Variants in LIMCH1 observed in about 807,000 individuals in gnomAD.
LIMCH1 encodes the protein LIM and calponin homology domains 1.
Under a neutral mutation model 176.5 loss-of-function variants are expected in LIMCH1, and 113 were observed. That is an observed-to-expected ratio of 0.64 (90% CI 0.55 to 0.75). The LOEUF (loss-of-function observed/expected upper bound fraction) is 0.75, where lower values mean the gene tolerates loss of function less well. Ranked by LOEUF, LIMCH1 falls within the 30% of genes least tolerant of loss-of-function variation. The pLI, the probability that LIMCH1 is intolerant of heterozygous loss-of-function variation, is 0.00. For missense variants in LIMCH1, 1,674 were observed against 1,814.9 expected, an observed-to-expected ratio of 0.92 and a Z score of 1.41; for synonymous variants, 619 against 645.9, an observed-to-expected ratio of 0.96 and a Z score of 0.63.
intron 1 of LIMCH1, among the ~76,000 whole-genome samples, chr4:41,456,609 T>C (rs1379853907): frequency 6.6e-6 from 1 of 151,940 alleles, no homozygotes; most frequent in African/African-American, 2.4e-5. Context: ...TAACAAACCA[T>C]CTGCTCTAGT....
chr4:41,537,258 T>C (rs569679051), upstream of LIMCH1, among the ~76,000 whole-genome samples: 16 of 152,344 alleles, frequency 1.1e-4, no homozygotes, highest in African/African-American at 3.4e-4. Flanking sequence ...ACATTGTGTT[T>C]TATAGCATTT....
rs1217616117 is a variant in LIMCH1, at chr4:41,627,016, CATG to C, written c.1028+7_1028+9del. The C allele has an allele frequency of 7.3e-7, 1 of 1,367,060 alleles. No individual in the cohort carries two copies. Among genetic ancestry groups the C allele is most frequent in the African/African-American group, 1.7e-5 (1 of 57,294 alleles). The allele number at this position is 1,367,060 out of a possible 1,614,324, so 84.7% of individuals were successfully genotyped here. On this transcript the variant is annotated splice_region_variant and intron_variant, in intron 8 of 31. Transcript: ENST00000503057. ...AGAAGTCTAGAATATAAAAGGTGTG[CATG>C]GTGTGTGTGTGTGTGTGTGTGTGTG...
intron 21 of LIMCH1, chr4:41,670,650 T>G: frequency 8.6e-7 from 1 of 1,157,956 alleles, no homozygotes; most frequent in Non-Finnish European, 1.2e-6. Flanking sequence ...CTTGGGAGCA[T>G]GGTTCTATTC....
chr4:41,605,202 C>A (rs1298827808), intron 3 of LIMCH1, among the ~76,000 whole-genome samples: 1 of 152,148 alleles, frequency 6.6e-6, no homozygotes, highest in Non-Finnish European at 1.5e-5. Flanking sequence ...ATTGAATACT[C>A]ATAGACATTC....
At chr4:41,638,044 A>G (rs2152899156) in intron 13 of LIMCH1, among the ~76,000 whole-genome samples, 1 of 152,306 alleles carries the variant, frequency 6.6e-6, no homozygotes, top group East Asian at 1.9e-4. Context: ...ATAGGTAAGA[A>G]CTGACCCTTA....
At chr4:41,495,152 T>C (rs1000963798) in intron 2 of LIMCH1, among the ~76,000 whole-genome samples, 11 of 152,232 alleles carry the variant, frequency 7.2e-5, no homozygotes, top group African/African-American at 2.4e-4. Flanking sequence ...AGGGCTCCTG[T>C]GAAGTAGCTC....
chr4:41,613,479 T>C lies in LIMCH1; in HGVS notation c.23T>C (p.Ile8Thr), dbSNP rs576282055. Residue 8 changes from isoleucine to threonine, a missense_variant, in exon 5 of 32, where the codon ATT becomes ACT. Around this residue, in one of 3 missense-constraint regions of LIMCH1, gnomAD observed 655 missense variants for 692.2 expected, o/e 0.95. Transcript: ENST00000503057. ...CTTTTTTGACAGGACACTGATGACA[T>C]TGAAAGTCCTAAACGCAGTATCCGA... MRKDTDDIESPKRSIRDS... is the reference protein window; with the variant it reads MRKDTDDTESPKRSIRDS... 26 of 1,613,954 alleles carry C rather than the reference T, an allele frequency of 1.6e-5. No individual in the cohort carries two copies. The South Asian group carries it at 2.2e-4, about 14-fold the overall frequency.
chr4:41,395,060 G>A (rs1242695958), intron 1 of LIMCH1, among the ~76,000 whole-genome samples: 1 of 152,142 alleles, frequency 6.6e-6, no homozygotes, highest in Non-Finnish European at 1.5e-5. Flanking sequence ...AAAAGAAAAA[G>A]GAGGGGAAAG....
intron 1 of LIMCH1, among the ~76,000 whole-genome samples, chr4:41,544,097 C>A (rs1298877806): frequency 6.6e-6 from 1 of 151,912 alleles, no homozygotes. Flanking sequence ...CCCCACCAAG[C>A]CTTCTCAATT....
At chr4:41,424,021 G>T (rs1460268163) in intron 1 of LIMCH1, among the ~76,000 whole-genome samples, 1 of 152,112 alleles carries the variant, frequency 6.6e-6, no homozygotes, top group African/African-American at 2.4e-5. Flanking sequence ...CATCATTAGT[G>T]TGATTCCCTC....
At chr4:41,391,297 G>A (rs999719256) in intron 1 of LIMCH1, among the ~76,000 whole-genome samples, 4 of 152,124 alleles carry the variant, frequency 2.6e-5, no homozygotes, top group Admixed American at 1.3e-4. Context: ...CATATAGCTG[G>A]TTGCTGATCC....
intron 1 of LIMCH1, among the ~76,000 whole-genome samples, chr4:41,486,280 G>C (rs1272444460): frequency 6.6e-6 from 1 of 152,184 alleles, no homozygotes; most frequent in Non-Finnish European, 1.5e-5. Context: ...TGTGTCTTTG[G>C]AGAGTGATCA....
intron 1 of LIMCH1, among the ~76,000 whole-genome samples, chr4:41,399,374 G>A (rs1482292016): frequency 6.6e-6 from 1 of 152,178 alleles, no homozygotes; most frequent in Non-Finnish European, 1.5e-5. Context: ...AAATATTGTG[G>A]TTTGCCTGAG....
rs748534413 is a variant in LIMCH1, at chr4:41,644,518, C to T, written c.2145C>T (p.Asp715=). ...SDDAESTSMF[D]MRCEEEAAVQ... Reference sequence around the variant, plus strand: ...CACTCAGGAGCACCAGCATGTTTGACATGCGGTGTGAGGAGGAGGCCGCGG... The same window carrying T: ...CACTCAGGAGCACCAGCATGTTTGATATGCGGTGTGAGGAGGAGGCCGCGG... Residue 715 remains aspartate, a synonymous_variant, in exon 15 of 32, where the codon GAC becomes GAT. Coordinates refer to ENST00000503057, the MANE Select transcript of LIMCH1 (RefSeq NM_001330672.2). 2 of 1,580,140 alleles carry T rather than the reference C, an allele frequency of 1.3e-6. No individual in the cohort carries two copies. Among genetic ancestry groups the T allele is most frequent in the South Asian group, 2.3e-5 (2 of 85,966 alleles).
At chr4:41,568,344 A>T (rs183135366) in intron 1 of LIMCH1, among the ~76,000 whole-genome samples, 1 of 152,342 alleles carries the variant, frequency 6.6e-6, no homozygotes, top group African/African-American at 2.4e-5. Context: ...ACAAAAAGTT[A>T]TCAAGGTCCA....
In LIMCH1 at chr4:41,629,577, A is replaced by C; in HGVS notation, c.1114A>C (p.Arg372=). ...AAGTGAACCTGTGGAAGGAGGACTCAGGAAGGTGCCAGATCTTCACAAGGA... is the reference window on the plus strand; with the variant it reads ...AAGTGAACCTGTGGAAGGAGGACTCCGGAAGGTGCCAGATCTTCACAAGGA... The part of the protein sequence containing the change: ...QESEPVEGGL[R]KVPDLHKDDL... The change falls in exon 9 of 32, where the codon AGG becomes CGG. Residue 372 remains arginine, a synonymous_variant. Coordinates refer to ENST00000503057, the MANE Select transcript of LIMCH1 (RefSeq NM_001330672.2). The C allele has an allele frequency of 6.5e-7, 1 of 1,536,122 alleles. No individual in the cohort carries two copies. Among genetic ancestry groups the C allele is most frequent in the Non-Finnish European group, 8.7e-7 (1 of 1,146,906 alleles).
chr4:41,469,524 G>C (rs948763157), intron 1 of LIMCH1, among the ~76,000 whole-genome samples: 3 of 152,116 alleles, frequency 2.0e-5, no homozygotes, highest in African/African-American at 2.4e-5. Flanking sequence ...AGTGTCCAAG[G>C]CATGGCCAGC....
intron 1 of LIMCH1, among the ~76,000 whole-genome samples, chr4:41,388,674 C>T (rs1487366406): frequency 4.6e-5 from 7 of 151,750 alleles, no homozygotes; most frequent in African/African-American, 2.4e-5. Context: ...CAGAGTTTCA[C>T]TCTTGTCACC....
intron 1 of LIMCH1, among the ~76,000 whole-genome samples, chr4:41,486,661 T>C (rs2069595431): frequency 6.6e-6 from 1 of 152,182 alleles, no homozygotes; most frequent in African/African-American, 2.4e-5. Context: ...AGGTGAGGGC[T>C]TTGTGAAATG....
Sources: allele counts gnomAD v4.1 joint callset (sites outside exome capture counted in the v4.1 genomes callset), GRCh38; gene constraint gnomAD v4.1.1; regional missense constraint gnomAD v4.1.1; transcripts MANE v1.5; gene names NCBI Gene and HGNC (gene_info 2026-07-23, HGNC 2026-07-21).